The following DNAJC17 variants were observed in gnomAD, a reference collection of about 807,000 sequenced individuals.
DNAJC17 encodes dnaJ homolog subfamily C member 17.
In DNAJC17, 35 loss-of-function variants were observed where a neutral mutation model predicts 48.1. The observed-to-expected ratio is 0.73, with a 90% CI of 0.56 to 0.96. The LOEUF is 0.96. Ranked by LOEUF, DNAJC17 falls within the 50% of genes least tolerant of loss-of-function variation. DNAJC17 has a pLI of 0.00. For synonymous variants in DNAJC17, 117 were observed against 142.7 expected (o/e 0.82, Z 1.28); for missense variants, 355 against 377.1 (o/e 0.94, Z 0.48).
At chr15:40,796,541 T>G (rs1889943928) in intron 1 of DNAJC17, among the ~76,000 whole-genome samples, 1 of 151,936 alleles carries the variant, frequency 6.6e-6, no homozygotes, top group Admixed American at 6.6e-5. Flanking sequence ...TTGAAAAAAA[T>G]CACAGGAGGC....
chr15:40,799,174 G>C (rs890326257), intron 1 of DNAJC17, among the ~76,000 whole-genome samples: 2 of 145,226 alleles, frequency 1.4e-5, no homozygotes, highest in African/African-American at 5.2e-5. Flanking sequence ...GCAGTGAGCC[G>C]AGATCGTGCC....
Position 40,767,987 on chromosome 15 carries a change from G to C in DNAJC17, c.868C>G (p.Leu290Val). ...TCTTCCTGCTGCATCCGTGCGATCAGCTGTTGCCGCTCGGCCGCCTGGCGC... is the reference window on the plus strand; with the variant it reads ...TCTTCCTGCTGCATCCGTGCGATCACCTGTTGCCGCTCGGCCGCCTGGCGC... Reference protein sequence around the residue: ...RMRQAAERQQLIARMQQEDQE... With the variant: ...RMRQAAERQQVIARMQQEDQE... The change falls in exon 11 of 11, where the codon CTG (leucine) becomes GTG (valine). Residue 290 changes from leucine to valine, a missense_variant. Transcript: ENST00000220496. 1 of 1,608,564 alleles carries C rather than the reference G, an allele frequency of 6.2e-7. No individual in the cohort carries two copies. Among genetic ancestry groups the C allele is most frequent in the South Asian group, 1.1e-5 (1 of 90,434 alleles).
At chr15:40,805,528 C>A (rs559375614) in intron 1 of DNAJC17, among the ~76,000 whole-genome samples, 2 of 151,672 alleles carry the variant, frequency 1.3e-5, no homozygotes, top group African/African-American at 4.9e-5. Context: ...GCCTGGGCGA[C>A]AGAGCGAGAC....
At chr15:40,774,709 C>T (rs1183369523) in intron 8 of DNAJC17, among the ~76,000 whole-genome samples, 1 of 152,230 alleles carries the variant, frequency 6.6e-6, no homozygotes, top group East Asian at 1.9e-4. Flanking sequence ...GCTAGTTGAA[C>T]GTGGTGAAAA....
At chr15:40,787,356 T>A (rs1236993149) in intron 1 of DNAJC17, among the ~76,000 whole-genome samples, 1 of 152,192 alleles carries the variant, frequency 6.6e-6, no homozygotes, top group Non-Finnish European at 1.5e-5. Flanking sequence ...ATTCATTTGT[T>A]CTCAACCAAA....
chr15:40,792,873 T>C (rs2141959478), intron 1 of DNAJC17, among the ~76,000 whole-genome samples: 1 of 151,184 alleles, frequency 6.6e-6, no homozygotes, highest in Admixed American at 6.6e-5. Context: ...AATAAGACAG[T>C]AAATGACCAT....
At position 40,767,429 on chromosome 15, in the gene DNAJC17, C is replaced by G. The variant is rs1888975500; in HGVS notation, c.*511G>C. The G allele has an allele frequency of 6.9e-7, 1 of 1,442,206 alleles. No homozygotes were observed. Among genetic ancestry groups the G allele is most frequent in the South Asian group, 1.4e-5 (1 of 73,992 alleles). The allele number at this position is 1,442,206 out of a possible 1,614,324, so 89.3% of individuals were successfully genotyped here. ...CCTGACCTCCAAGCTCCTGCCTCAC[C>G]GTCTGCCTTGCTCCTCTCTTCCCAA... On this transcript the variant is annotated 3_prime_UTR_variant, in exon 11 of 11. Transcript: ENST00000220496.
At chr15:40,775,623 G>C in intron 6 of DNAJC17, 27 bp from the exon 7 acceptor site, 1 of 1,609,766 alleles carries the variant, frequency 6.2e-7, no homozygotes, top group Non-Finnish European at 8.5e-7. Context: ...AAGAAGAAAA[G>C]TAGAATATGA....
At chr15:40,774,755 C>T (rs533582779) in intron 8 of DNAJC17, among the ~76,000 whole-genome samples, 1 of 152,364 alleles carries the variant, frequency 6.6e-6, no homozygotes, top group African/African-American at 2.4e-5. Flanking sequence ...CACCTCGTCC[C>T]TCCCAACCCA....
Position 40,796,773 on chromosome 15 carries a change from G to A in DNAJC17, c.78+10596C>T, listed in dbSNP as rs892840539. 3.3e-5 allele frequency among the ~76,000 whole-genome samples: 5 copies of A among 152,092 alleles called. No homozygotes were observed. In the East Asian group the frequency reaches 7.7e-4, roughly 23 times the overall value. On this transcript the variant is annotated intron_variant, in intron 1 of 10. Coordinates refer to ENST00000220496, the MANE Select transcript of DNAJC17 (RefSeq NM_018163.3). ...GGTATATATCAAAAGAACTGTTTTTGTTTTTGTGACCCAATCTCACTCTGT... is the reference window on the plus strand; with the variant it reads ...GGTATATATCAAAAGAACTGTTTTTATTTTTGTGACCCAATCTCACTCTGT...
At chr15:40,805,990 C>T (rs575716542) in intron 1 of DNAJC17, among the ~76,000 whole-genome samples, 2 of 151,998 alleles carry the variant, frequency 1.3e-5, no homozygotes, top group Non-Finnish European at 2.9e-5. Context: ...TATTGAAACA[C>T]GAGAGAGGTG....
At chr15:40,783,732 G>A (rs1480076772) in intron 1 of DNAJC17, among the ~76,000 whole-genome samples, 2 of 151,926 alleles carry the variant, frequency 1.3e-5, no homozygotes, top group African/African-American at 4.8e-5. Flanking sequence ...GTGTGGTGGT[G>A]CATGCTTGTA....
intron 1 of DNAJC17, chr15:40,807,109 G>A (rs1890255051): frequency 2.5e-6 from 2 of 803,304 alleles, no homozygotes; most frequent in South Asian, 3.7e-5. Flanking sequence ...GCCTCGCCCC[G>A]CGGCCTCTAG....
Position 40,804,557 on chromosome 15 carries a change from C to T in DNAJC17, c.78+2812G>A, listed in dbSNP as rs534671082. The stretch of plus-strand genomic sequence containing the variant: ...GCTGCAGTGAGCTGTGATTGTGCCA[C>T]TGCATTCCAGCCTGAATGACAGTGA... On this transcript the variant is annotated intron_variant, in intron 1 of 10. Coordinates refer to ENST00000220496, the MANE Select transcript of DNAJC17 (RefSeq NM_018163.3). Among the ~76,000 whole-genome samples the T allele has an allele frequency of 6.6e-5, 10 of 152,246 alleles. No individual in the cohort carries two copies. In the East Asian group the frequency reaches 1.9e-3, roughly 29 times the overall value.
At chr15:40,776,494 C>A (rs1490325447) in intron 5 of DNAJC17, 48 bp downstream of exon 5, 2 of 1,606,060 alleles carry the variant, frequency 1.2e-6, no homozygotes. Context: ...CCTCCCCCAC[C>A]TCCTCCTCCT....
At position 40,765,582 on chromosome 15, in the gene DNAJC17, CG is replaced by C. The variant is rs1157906892; in HGVS notation, c.*2357del. ...GCCTCAGTAGCTGGAACTATAGGCTCGTGATACTTTGCCTGGCTAAAGCTGA... is the reference window on the plus strand; with the variant it reads ...GCCTCAGTAGCTGGAACTATAGGCTCTGATACTTTGCCTGGCTAAAGCTGA... On this transcript the variant is annotated 3_prime_UTR_variant, in exon 11 of 11. Transcript: ENST00000220496. 6.2e-6 allele frequency: 2 copies of C among 324,858 alleles called. No homozygotes were observed. Among genetic ancestry groups the C allele is most frequent in the African/African-American group, 4.3e-5 (2 of 46,832 alleles). The allele number at this position is 324,858 out of a possible 1,614,324, so 20.1% of individuals were successfully genotyped here.
At chr15:40,771,885 A>C (rs1889151755) in intron 10 of DNAJC17, 1 of 167,126 alleles carries the variant, frequency 6.0e-6, no homozygotes, top group Non-Finnish European at 1.5e-5. Context: ...GCAAATCCTT[A>C]GCAGAAATGA....
chr15:40,792,507 G>A, intron 1 of DNAJC17: 1 of 985,404 alleles, frequency 1.0e-6, no homozygotes, highest in Non-Finnish European at 1.2e-6. Flanking sequence ...GAAAGGTAAG[G>A]CTGCTACAGA....
At chr15:40,803,890 C>A (rs1040118131) in intron 1 of DNAJC17, among the ~76,000 whole-genome samples, 1 of 152,146 alleles carries the variant, frequency 6.6e-6, no homozygotes, top group Non-Finnish European at 1.5e-5. Context: ...TGCCTAGACA[C>A]CAGCCCCATC....
Sources: gnomAD v4.1 joint callset for allele counts (sites outside exome capture counted in the v4.1 genomes callset) on GRCh38, gnomAD v4.1.1 for gene constraint, MANE v1.5 for transcripts, NCBI Gene and HGNC (gene_info 2026-07-23, HGNC 2026-07-21) for gene names.